SPTB: variants seen among roughly 807,000 people sequenced by gnomAD.
The protein encoded by SPTB is spectrin beta, erythrocytic, also known as spectrin beta chain, erythrocytic.
A neutral mutation model predicts 256.2 loss-of-function variants in SPTB; 45 were observed. That is an observed-to-expected ratio of 0.18 (90% confidence interval 0.14 to 0.23). SPTB has a LOEUF of 0.23. Among genes scored for constraint, SPTB ranks in the 10% least tolerant of loss-of-function variants. SPTB has a pLI of 1.00. For synonymous variants in SPTB, 1,231 were observed against 1,243.1 expected (o/e 0.99, Z 0.21); for missense variants, 2,715 against 3,040.4 (o/e 0.89, Z 2.52).
chr14:64,818,795 C>G (rs1012622282), intron 2 of SPTB, among the ~76,000 whole-genome samples: 4 of 152,126 alleles, frequency 2.6e-5, no homozygotes, highest in African/African-American at 7.2e-5. Flanking sequence ...ATGGGGGGAG[C>G]CTTTCTATTG....
intron 1 of SPTB, among the ~76,000 whole-genome samples, chr14:64,877,150 TAA>T (rs111763840): frequency 0.036 from 5,006 of 138,296 alleles, 279 homozygotes; most frequent in African/African-American, 0.12. Context: ...ATCTGTTCTT[TAA>T]AAAAAAAAAA....
chr14:64,782,334 C>A lies in SPTB; in HGVS notation c.4222G>T (p.Gly1408Cys), dbSNP rs17245552. Residue 1408 changes from glycine (G) to cysteine (C), a missense_variant, in exon 20 of 36, where the codon GGC (glycine) becomes TGC (cysteine). By Grantham distance (159) the Gly-to-Cys change is radical. Transcript: ENST00000644917. Reference protein sequence around the residue: ...MEDQLRSDDPGKDLTSVNRML... With the variant: ...MEDQLRSDDPCKDLTSVNRML... ...CGATTGACACTGGTCAGGTCCTTGC[C>A]CGGGTCGTCTGACCGCAGCTGGTCC... is the stretch of plus-strand genomic sequence containing the variant. The A allele has an allele frequency of 2.5e-6, 4 of 1,614,132 alleles. No individual in the cohort carries two copies. Among genetic ancestry groups the A allele is most frequent in the Non-Finnish European group, 2.5e-6 (3 of 1,180,030 alleles).
At position 64,750,592 on chromosome 14, in the gene SPTB, G is replaced by A. The variant is rs2081930629; in HGVS notation, c.6603-438C>T. On this transcript the variant is annotated intron_variant, in intron 33 of 35. Coordinates refer to ENST00000644917, the MANE Select transcript of SPTB (RefSeq NM_001355436.2). ...GGAGTTCAAGACCAGCCTGGCAAAC[G>A]TGGTAAAACCCCATCTCTACTAAAA... is the stretch of plus-strand genomic sequence containing the variant. Among the ~76,000 whole-genome samples the A allele has an allele frequency of 2.0e-5, 3 of 151,810 alleles. No individual in the cohort carries two copies. In the South Asian group the frequency reaches 6.2e-4, roughly 31 times the overall value.
rs2081867579 is a variant in SPTB at position 64,747,623 on chromosome 14, C to G, written c.*1683G>C. The G allele has an allele frequency of 6.6e-6, 1 of 152,376 alleles. No homozygotes were observed. The highest frequency in any genetic ancestry group is 1.5e-5 in the Non-Finnish European group (1 of 68,116). The allele number at this position is 152,376 out of a possible 1,614,324, so 9.4% of individuals were successfully genotyped here. ...TGATTTCTGCCGGCACTGGTCAGCA[C>G]TCAGGGTTCCTCAGGGGGCCTCATT... On this transcript the variant is annotated 3_prime_UTR_variant, in exon 36 of 36. Coordinates refer to ENST00000644917, the MANE Select transcript of SPTB (RefSeq NM_001355436.2).
At chr14:64,761,442 T>C (rs2082095379) in intron 32 of SPTB, among the ~76,000 whole-genome samples, 1 of 152,066 alleles carries the variant, frequency 6.6e-6, no homozygotes, top group Non-Finnish European at 1.5e-5. Context: ...AGGAGTCCCC[T>C]GGATTGCAGG....
At chr14:64,877,401 T>C (rs372655699) in intron 1 of SPTB, among the ~76,000 whole-genome samples, 1 of 152,226 alleles carries the variant, frequency 6.6e-6, no homozygotes, top group South Asian at 2.1e-4. Flanking sequence ...TATTCCCTGC[T>C]GAGTGTCTAA....
At chr14:64,781,493 T>A (rs1178823635) in intron 20 of SPTB, among the ~76,000 whole-genome samples, 1 of 152,064 alleles carries the variant, frequency 6.6e-6, no homozygotes, top group Non-Finnish European at 1.5e-5. Context: ...ATTAGAGAAA[T>A]GCAAATCACA....
At chr14:64,797,660 C>A in intron 10 of SPTB, 69 bp downstream of exon 10, 3 of 1,201,782 alleles carry the variant, frequency 2.5e-6, no homozygotes, top group Non-Finnish European at 3.7e-6. Flanking sequence ...GTCCAATGAC[C>A]ATTCACTGTG....
chr14:64,836,783 A>G (rs2083529209), intron 1 of SPTB, among the ~76,000 whole-genome samples: 1 of 152,246 alleles, frequency 6.6e-6, no homozygotes, highest in Admixed American at 6.5e-5. Flanking sequence ...TAGGTACTCA[A>G]TTAGTACATG....
intron 1 of SPTB, among the ~76,000 whole-genome samples, chr14:64,842,034 G>A (rs1485557676): frequency 2.6e-5 from 4 of 152,214 alleles, no homozygotes; most frequent in Non-Finnish European, 4.4e-5. Context: ...TGAGCTGCTT[G>A]CAAAGTAACT....
chr14:64,863,132 A>T (rs1288970352), intron 1 of SPTB, among the ~76,000 whole-genome samples: 1 of 151,864 alleles, frequency 6.6e-6, no homozygotes, highest in Non-Finnish European at 1.5e-5. Flanking sequence ...GTTGTATGTC[A>T]CTCCCCTGTT....
intron 29 of SPTB, 190 bp from the exon 30 acceptor site, chr14:64,768,049 A>G: frequency 1.5e-6 from 1 of 656,146 alleles, no homozygotes; most frequent in East Asian, 2.7e-5. Flanking sequence ...CACAATAGTT[A>G]TATTTTTTTA....
chr14:64,865,461 G>A (rs1570297), intron 1 of SPTB, among the ~76,000 whole-genome samples: 12 of 152,144 alleles, frequency 7.9e-5, no homozygotes, highest in Non-Finnish European at 1.0e-4. Flanking sequence ...GATCAACTCC[G>A]CATCCCTCCC....
intron 1 of SPTB, among the ~76,000 whole-genome samples, chr14:64,854,953 T>C (rs990164420): frequency 2.6e-5 from 4 of 152,208 alleles, no homozygotes; most frequent in African/African-American, 7.2e-5. Context: ...CCAGGCTCCA[T>C]GATCACCCCT....
intron 24 of SPTB, among the ~76,000 whole-genome samples, chr14:64,774,149 A>G (rs769705620): frequency 6.6e-5 from 10 of 152,234 alleles, no homozygotes; most frequent in Non-Finnish European, 1.5e-4. Context: ...CCAAGAGGGT[A>G]GTTTTGCTAA....
At chr14:64,831,750 A>C (rs1215681692) in intron 1 of SPTB, among the ~76,000 whole-genome samples, 1 of 152,244 alleles carries the variant, frequency 6.6e-6, no homozygotes, top group Non-Finnish European at 1.5e-5. Flanking sequence ...TGCGTCCACC[A>C]CTGGGGCAGG....
rs2083382472 is a variant in SPTB, at chr14:64,826,705, T to G, written c.-51-3560A>C. On this transcript the variant is annotated intron_variant, in intron 1 of 35. Coordinates refer to ENST00000644917, the MANE Select transcript of SPTB (RefSeq NM_001355436.2). This position sits in a 1 kb window ranked among gnomAD's most constrained non-coding sequence, Gnocchi z 4.4. ...TGAACCCACCTGACCCTCGTCAAAG[T>G]GTAGGTGGGTCTTCTCTGGTCTCCG... Among the ~76,000 whole-genome samples, 1 of 152,154 alleles carries G rather than the reference T, an allele frequency of 6.6e-6. No individual in the cohort carries two copies. Among genetic ancestry groups the G allele is most frequent in the African/African-American group, 2.4e-5 (1 of 41,442 alleles).
chr14:64,770,836 C>T, intron 27 of SPTB, 49 bp downstream of exon 27: 2 of 1,613,300 alleles, frequency 1.2e-6, no homozygotes, highest in Non-Finnish European at 1.7e-6. Context: ...TGGCCGGGCT[C>T]CTCTGGCCTG....
At position 64,794,351 on chromosome 14, in the gene SPTB, T is replaced by A. The variant is rs878966421; in HGVS notation, c.1795+116A>T. Reference sequence around the variant, plus strand: ...GCTTCTTTCTTGGACCATTACTTGATGAAAGTAACAGAACTTTAAAGTTGG... The same window carrying A: ...GCTTCTTTCTTGGACCATTACTTGAAGAAAGTAACAGAACTTTAAAGTTGG... On this transcript the variant is annotated intron_variant, in intron 13 of 35. Coordinates refer to ENST00000644917, the MANE Select transcript of SPTB (RefSeq NM_001355436.2). 2.9e-6 allele frequency: 4 copies of A among 1,387,854 alleles called. No homozygotes were observed. In the South Asian group the frequency reaches 3.7e-5, roughly 13 times the overall value. The allele number at this position is 1,387,854 out of a possible 1,614,324, so 86.0% of individuals were successfully genotyped here. A position where few individuals can be genotyped will look rare whatever the true frequency, so the allele number is the denominator to read the frequency against.
Sources: allele counts gnomAD v4.1 joint callset (sites outside exome capture counted in the v4.1 genomes callset), GRCh38; gene constraint gnomAD v4.1.1; non-coding constraint Gnocchi (gnomAD v3.1); transcripts MANE v1.5; gene names NCBI Gene and HGNC (gene_info 2026-07-23, HGNC 2026-07-21).